Variants in ASH1L observed in about 807,000 individuals in gnomAD.
The protein encoded by ASH1L is histone-lysine N-methyltransferase ASH1L.
A neutral mutation model predicts 269.0 loss-of-function variants in ASH1L; 23 were observed. The observed-to-expected ratio is 0.09, with a 90% confidence interval of 0.06 to 0.12. ASH1L has a LOEUF of 0.12. Among genes scored for constraint, ASH1L ranks in the 10% least tolerant of loss-of-function variants. The pLI, the probability that ASH1L is intolerant of heterozygous loss-of-function variation, is 1.00. For synonymous variants in ASH1L, 1,187 were observed against 1,253.5 expected (o/e 0.95, Z 1.12); for missense variants, 2,912 against 3,567.8 (o/e 0.82, Z 4.68).
intron 19 of ASH1L, 92 bp downstream of exon 19, chr1:155,349,234 AT>A: frequency 7.1e-7 from 1 of 1,408,106 alleles, no homozygotes; most frequent in Non-Finnish European, 9.6e-7. Flanking sequence ...AACCAGAAAT[AT>A]GGCTGATAGA....
intron 5 of ASH1L, among the ~76,000 whole-genome samples, chr1:155,422,979 G>A (rs946724585): frequency 9.3e-5 from 12 of 129,232 alleles, no homozygotes; most frequent in African/African-American, 2.4e-4. Context: ...ACGGAGTCTC[G>A]CTTTGTTGCC....
intron 1 of ASH1L, among the ~76,000 whole-genome samples, chr1:155,544,235 G>A (rs1249309409): frequency 6.6e-6 from 1 of 151,214 alleles, no homozygotes; most frequent in African/African-American, 2.4e-5. Context: ...ACATACAAAA[G>A]TAAAAGTATC....
intron 1 of ASH1L, among the ~76,000 whole-genome samples, chr1:155,559,785 T>C (rs1198215466): frequency 6.6e-6 from 1 of 152,158 alleles, no homozygotes. Context: ...CATATATTAT[T>C]GATTTTTGTG....
At chr1:155,496,805 T>C (rs1667185353) in intron 2 of ASH1L, among the ~76,000 whole-genome samples, 1 of 145,654 alleles carries the variant, frequency 6.9e-6, no homozygotes, top group Non-Finnish European at 1.5e-5. Context: ...CGCTTGGCTA[T>C]TTTTTTTTTT....
chr1:155,438,608 C>T lies in ASH1L; in HGVS notation c.5547G>A (p.Arg1849=), dbSNP rs747204729. The part of the protein sequence containing the change: ...ARTGNNFVKR[R]PGRPRKCPLQ... ...GGGGACATTTCCGAGGTCGACCTGGCCTACGTTTCACAAAGTTATTCCCTG... is the reference window on the plus strand; with the variant it reads ...GGGGACATTTCCGAGGTCGACCTGGTCTACGTTTCACAAAGTTATTCCCTG... The change falls in exon 5 of 28, where the codon AGG becomes AGA. Residue 1849 remains arginine, a synonymous_variant. Coordinates refer to ENST00000392403, the MANE Select transcript of ASH1L (RefSeq NM_018489.3). The T allele has an allele frequency of 3.1e-6, 5 of 1,614,180 alleles. No homozygotes were observed. Among genetic ancestry groups the T allele is most frequent in the Non-Finnish European group, 2.5e-6 (3 of 1,180,028 alleles).
In ASH1L at chr1:155,481,940, A is replaced by T. The variant is rs767091348; in HGVS notation, c.930T>A (p.Thr310=). 2.5e-6 allele frequency: 4 copies of T among 1,614,190 alleles called. No individual in the cohort carries two copies. The East Asian group carries it at 8.9e-5, about 36-fold the overall frequency. The change falls in exon 3 of 28, where the codon ACT becomes ACA. Residue 310 remains threonine (T), a synonymous_variant. Transcript: ENST00000392403. ...TATTAATGAATACCGCTGTAGTGCCAGTTCCCAGTTTTTTCACAGAGTCCT... is the reference window on the plus strand; with the variant it reads ...TATTAATGAATACCGCTGTAGTGCCTGTTCCCAGTTTTTTCACAGAGTCCT... ...VNKDSVKKLG[T]GTTAVFINKN...
intron 4 of ASH1L, among the ~76,000 whole-genome samples, chr1:155,454,683 G>A (rs1044518516): frequency 6.6e-6 from 1 of 152,122 alleles, no homozygotes; most frequent in Non-Finnish European, 1.5e-5. Context: ...CAGGAGAATC[G>A]CATGAACCTG....
At chr1:155,448,519 G>A (rs765636575) in intron 4 of ASH1L, among the ~76,000 whole-genome samples, 13 of 152,028 alleles carry the variant, frequency 8.6e-5, no homozygotes, top group Non-Finnish European at 1.6e-4. Context: ...TTTTTGAGAC[G>A]GAGACTTGCT....
chr1:155,480,634 A>G lies in ASH1L; in HGVS notation c.2236T>C (p.Ser746Pro). The G allele has an allele frequency of 6.2e-7, 1 of 1,614,098 alleles. No homozygotes were observed. Among genetic ancestry groups the G allele is most frequent in the Non-Finnish European group, 8.5e-7 (1 of 1,180,002 alleles). ...TTACTATTTGATAGTGAGCTACATG[A>G]AACGTTTTTAAAAAGCTCTGATCTT... ...LERSELFKNV[S>P]CSSLSNSNSE... is the part of the protein sequence containing the mutation. Residue 746 changes from serine (S) to proline (P), a missense_variant, in exon 3 of 28, where the codon TCA (serine) becomes CCA (proline). Ser to Pro is a moderately conservative substitution (Grantham distance 74, BLOSUM62 -1). Coordinates refer to ENST00000392403, the MANE Select transcript of ASH1L (RefSeq NM_018489.3).
At chr1:155,504,889 A>T (rs1667719867) in intron 2 of ASH1L, among the ~76,000 whole-genome samples, 1 of 151,876 alleles carries the variant, frequency 6.6e-6, no homozygotes, top group Non-Finnish European at 1.5e-5. Context: ...CATTACAGCT[A>T]TAAATGACAG....
At chr1:155,457,949 C>T (rs1193634321) in intron 4 of ASH1L, among the ~76,000 whole-genome samples, 1 of 152,118 alleles carries the variant, frequency 6.6e-6, no homozygotes, top group Non-Finnish European at 1.5e-5. Context: ...CTTTTGAGGA[C>T]ATATATAATG....
At chr1:155,436,535 C>T (rs1408436776) in intron 5 of ASH1L, among the ~76,000 whole-genome samples, 4 of 105,228 alleles carry the variant, frequency 3.8e-5, no homozygotes, top group African/African-American at 1.5e-4. Flanking sequence ...CTCGCTTTGT[C>T]ACCCAGGCTG....
rs1458931803 is a variant in ASH1L at position 155,335,801 on chromosome 1, C to T, written c.*1859G>A. 6.6e-6 allele frequency: 1 copy of T among 152,154 alleles called. No individual in the cohort carries two copies. The highest frequency in any genetic ancestry group is 1.5e-5 in the Non-Finnish European group (1 of 67,958). 9.4% of individuals were successfully genotyped at this position (152,154 alleles called of 1,614,324 possible). A position where few individuals can be genotyped will look rare whatever the true frequency, so the allele number is the denominator to read the frequency against. Reference sequence around the variant, plus strand: ...TCTTTTTTAAAATTTTAGTGTTTAACACTATAAAGGAAACATTGAATTTTA... The same window carrying T: ...TCTTTTTTAAAATTTTAGTGTTTAATACTATAAAGGAAACATTGAATTTTA... On this transcript the variant is annotated 3_prime_UTR_variant, in exon 28 of 28. Coordinates refer to ENST00000392403, the MANE Select transcript of ASH1L (RefSeq NM_018489.3).
At chr1:155,445,602 T>TAAA (rs1662948424) in intron 4 of ASH1L, among the ~76,000 whole-genome samples, 1 of 152,160 alleles carries the variant, frequency 6.6e-6, no homozygotes, top group African/African-American at 2.4e-5. Flanking sequence ...AGTGCTGCGA[T>TAAA]TATGTGTGAG....
chr1:155,433,428 G>A (rs1246250662), intron 5 of ASH1L: 8 of 1,609,108 alleles, frequency 5.0e-6, no homozygotes, highest in East Asian at 2.2e-5. Flanking sequence ...GTTGGAGTGC[G>A]GCTAGTGCCC....
chr1:155,536,901 C>T (rs1213256314), intron 1 of ASH1L, among the ~76,000 whole-genome samples: 1 of 151,684 alleles, frequency 6.6e-6, no homozygotes, highest in Non-Finnish European at 1.5e-5. Context: ...AAAAATTAGC[C>T]GGGCGTGGTG....
intron 4 of ASH1L, among the ~76,000 whole-genome samples, chr1:155,450,912 C>T (rs72704175): frequency 0.032 from 4,842 of 151,990 alleles, 106 homozygotes; most frequent in South Asian, 0.054. Context: ...AATGGATAAA[C>T]CCTGTCTGGG....
At chr1:155,497,809 G>A (rs944743966) in intron 2 of ASH1L, among the ~76,000 whole-genome samples, 2 of 151,900 alleles carry the variant, frequency 1.3e-5, no homozygotes, top group Non-Finnish European at 2.9e-5. Context: ...AAGTGCCGTG[G>A]CACGATCTCG....
At chr1:155,544,018 C>T (rs941501299) in intron 1 of ASH1L, among the ~76,000 whole-genome samples, 3 of 152,034 alleles carry the variant, frequency 2.0e-5, no homozygotes, top group Non-Finnish European at 2.9e-5. Flanking sequence ...CAGGGTCTTT[C>T]GATGTCACCC....
Sources: allele counts gnomAD v4.1 joint callset (sites outside exome capture counted in the v4.1 genomes callset), GRCh38; gene constraint gnomAD v4.1.1; transcripts MANE v1.5; gene names NCBI Gene and HGNC (gene_info 2026-07-23, HGNC 2026-07-21).